MCTP1: variants seen among roughly 807,000 people sequenced by gnomAD.
The protein encoded by MCTP1 is multiple C2 and transmembrane domain-containing protein 1.
A neutral mutation model predicts 120.6 loss-of-function variants in MCTP1; 69 were observed. The observed-to-expected ratio is 0.57, with a 90% confidence interval of 0.47 to 0.70. MCTP1 has a LOEUF of 0.70. Among genes scored for constraint, MCTP1 ranks in the 30% least tolerant of loss-of-function variants. The pLI is 0.00. For missense variants in MCTP1, 1,203 were observed against 1,248.8 expected, an observed-to-expected ratio of 0.96 and a Z score of 0.55; for synonymous variants, 529 against 493.1, an observed-to-expected ratio of 1.07 and a Z score of -0.96.
At chr5:94,980,460 A>G (rs1371616839) in intron 2 of MCTP1, among the ~76,000 whole-genome samples, 1 of 152,146 alleles carries the variant, frequency 6.6e-6, no homozygotes, top group Admixed American at 6.6e-5. Flanking sequence ...CCAGCACAGC[A>G]CTGGAATTCA....
intron 1 of MCTP1, among the ~76,000 whole-genome samples, chr5:95,256,053 G>C (rs1464299905): frequency 6.6e-6 from 1 of 152,168 alleles, no homozygotes; most frequent in African/African-American, 2.4e-5. Context: ...TCCACACCAA[G>C]TTCTGCCATG....
At chr5:95,005,265 T>G (rs888942488) in intron 2 of MCTP1, among the ~76,000 whole-genome samples, 1 of 152,188 alleles carries the variant, frequency 6.6e-6, no homozygotes, top group East Asian at 1.9e-4. Context: ...AACTAACTTG[T>G]TTTTTATTTT....
intron 1 of MCTP1, among the ~76,000 whole-genome samples, chr5:95,174,230 A>C (rs1267054702): frequency 6.6e-6 from 1 of 152,144 alleles, no homozygotes; most frequent in African/African-American, 2.4e-5. Context: ...ACGAAAATAA[A>C]CCTTCCCCAA....
intron 1 of MCTP1, among the ~76,000 whole-genome samples, chr5:95,070,476 C>T (rs1373554954): frequency 6.6e-6 from 1 of 152,236 alleles, no homozygotes; most frequent in Non-Finnish European, 1.5e-5. Flanking sequence ...ACTCTGATTC[C>T]TTCATAATTG....
intron 1 of MCTP1, among the ~76,000 whole-genome samples, chr5:95,260,385 G>A (rs1217753807): frequency 2.0e-5 from 3 of 152,028 alleles, no homozygotes; most frequent in Non-Finnish European, 4.4e-5. Context: ...TGTGTTCCTT[G>A]AGCCCAGTCA....
intron 1 of MCTP1, among the ~76,000 whole-genome samples, chr5:95,202,074 G>A (rs1274368673): frequency 1.3e-5 from 2 of 152,146 alleles, no homozygotes; most frequent in Non-Finnish European, 2.9e-5. Context: ...GGTTCTAGAG[G>A]AGACTGGTAA....
intron 2 of MCTP1, 102 bp downstream of exon 2, chr5:95,017,265 T>C (rs771746587): frequency 1.7e-6 from 1 of 596,866 alleles, no homozygotes; most frequent in Non-Finnish European, 2.9e-6. Context: ...CTAAAAATTA[T>C]ATTCTAGTTA....
intron 19 of MCTP1, among the ~76,000 whole-genome samples, chr5:94,773,103 G>A (rs1307812659): frequency 6.6e-6 from 1 of 152,124 alleles, no homozygotes; most frequent in Non-Finnish European, 1.5e-5. Flanking sequence ...GGTTCACAAA[G>A]GAGAAATGGA....
At chr5:94,749,100 A>T (rs920614346) in intron 19 of MCTP1, among the ~76,000 whole-genome samples, 15 of 152,338 alleles carry the variant, frequency 9.8e-5, no homozygotes, top group African/African-American at 3.6e-4. Context: ...ATTAGGTTAT[A>T]TGCATCATAT....
At chr5:94,840,117 C>T (rs1790681839) in intron 17 of MCTP1, among the ~76,000 whole-genome samples, 1 of 152,022 alleles carries the variant, frequency 6.6e-6, no homozygotes, top group African/African-American at 2.4e-5. Context: ...TCAATGAATC[C>T]CATATGCTAA....
chr5:95,127,260 T>C (rs1310932696), intron 1 of MCTP1, among the ~76,000 whole-genome samples: 1 of 152,156 alleles, frequency 6.6e-6, no homozygotes, highest in Non-Finnish European at 1.5e-5. Context: ...AAAAAAGTTT[T>C]TACTCATTCA....
chr5:95,232,052 C>T (rs999550796), intron 1 of MCTP1, among the ~76,000 whole-genome samples: 8 of 151,292 alleles, frequency 5.3e-5, no homozygotes, highest in Admixed American at 1.3e-4. Flanking sequence ...TCACTAGATG[C>T]CAGCAGCATC....
intron 19 of MCTP1, among the ~76,000 whole-genome samples, chr5:94,777,756 T>C (rs1050959642): frequency 7.9e-5 from 12 of 152,318 alleles, no homozygotes; most frequent in Middle Eastern, 3.4e-3. Flanking sequence ...TGTATGCTCA[T>C]GTTATTTAAC....
intron 17 of MCTP1, among the ~76,000 whole-genome samples, chr5:94,817,182 A>C (rs1019591745): frequency 6.6e-6 from 1 of 152,120 alleles, no homozygotes; most frequent in Admixed American, 6.5e-5. Flanking sequence ...AGGCAGGCGG[A>C]TCACGAGGTC....
Position 95,205,987 on chromosome 5 carries a change from A to G in MCTP1, c.720+77869T>C, listed in dbSNP as rs536929038. Among the ~76,000 whole-genome samples the G allele has an allele frequency of 1.2e-4, 18 of 152,340 alleles. No homozygotes were observed. In the South Asian group the frequency reaches 3.1e-3, roughly 26 times the overall value. ...GGAAAATAGTCTGGAAGTTCCTTGAAAAGCTAAACATAGAGCTTCCATATG... is the reference window on the plus strand; with the variant it reads ...GGAAAATAGTCTGGAAGTTCCTTGAGAAGCTAAACATAGAGCTTCCATATG... On this transcript the variant is annotated intron_variant, in intron 1 of 22. Coordinates refer to ENST00000515393, the MANE Select transcript of MCTP1 (RefSeq NM_024717.7).
rs1332075576 is a variant in MCTP1, at chr5:95,147,080, AT to A, written c.721-129597del. On this transcript the variant is annotated intron_variant, in intron 1 of 22. Transcript: ENST00000515393. ...ACGATGTTGGGTGCTTATTTATTTTATTTTATTTATTTATTTATTTTTTTAA... is the reference window on the plus strand; with the variant it reads ...ACGATGTTGGGTGCTTATTTATTTTATTTATTTATTTATTTATTTTTTTAA... Among the ~76,000 whole-genome samples the A allele has an allele frequency of 4.6e-5, 7 of 151,640 alleles. No individual in the cohort carries two copies. In the South Asian group the frequency reaches 1.0e-3, roughly 23 times the overall value.
intron 2 of MCTP1, among the ~76,000 whole-genome samples, chr5:95,008,504 G>C (rs1835219599): frequency 6.6e-6 from 1 of 152,118 alleles, no homozygotes; most frequent in Non-Finnish European, 1.5e-5. Context: ...GACTGGCTTT[G>C]TCAGTCATTT....
intron 1 of MCTP1, among the ~76,000 whole-genome samples, chr5:95,099,158 C>T (rs2152362781): frequency 6.6e-6 from 1 of 152,252 alleles, no homozygotes; most frequent in Middle Eastern, 3.4e-3. Flanking sequence ...AGACCTAAAT[C>T]CATAAAAACC....
At chr5:94,946,763 C>CTATG (rs1819041738) in intron 3 of MCTP1, among the ~76,000 whole-genome samples, 1 of 152,172 alleles carries the variant, frequency 6.6e-6, no homozygotes, top group Non-Finnish European at 1.5e-5. Flanking sequence ...TGATGCTGGC[C>CTATG]TATGTGTTAG....
Sources: allele counts gnomAD v4.1 joint callset (sites outside exome capture counted in the v4.1 genomes callset), GRCh38; gene constraint gnomAD v4.1.1; transcripts MANE v1.5; gene names NCBI Gene and HGNC (gene_info 2026-07-23, HGNC 2026-07-21).